Variants in PRKDC observed in about 807,000 individuals in gnomAD.
PRKDC encodes the protein DNA-dependent protein kinase catalytic subunit.
PRKDC carries 82 observed loss-of-function variants against 486.9 expected under a neutral mutation model. The ratio of observed to expected loss-of-function variants is 0.17; its 90% CI spans 0.14 to 0.20. The LOEUF (loss-of-function observed/expected upper bound fraction) is 0.20, where lower values mean the gene tolerates loss of function less well. PRKDC is among the 10% of genes least tolerant of loss of function. The probability of loss-of-function intolerance (pLI) is 1.00; values close to 1 mark genes in which losing one functional copy is unlikely to be tolerated. For synonymous variants in PRKDC, 1,895 were observed against 1,837.0 expected, an observed-to-expected ratio of 1.03 and a Z score of -0.81; for missense variants, 4,504 against 5,038.2, an observed-to-expected ratio of 0.89 and a Z score of 3.21.
intron 48 of PRKDC, among the ~76,000 whole-genome samples, chr8:47,858,226 G>A (rs1387043060): frequency 6.1e-5 from 9 of 148,184 alleles, no homozygotes; most frequent in South Asian, 2.2e-4. Flanking sequence ...AGGAAAGAAC[G>A]TTGGCAGCCG....
At chr8:47,959,707 C>G (rs1364902660) in intron 1 of PRKDC, among the ~76,000 whole-genome samples, 1 of 152,048 alleles carries the variant, frequency 6.6e-6, no homozygotes, top group Non-Finnish European at 1.5e-5. Context: ...TTCTCTTGCC[C>G]TGCCCCCCAC....
At chr8:47,890,624 T>C in intron 31 of PRKDC, 144 bp from the exon 32 acceptor site, 2 of 561,118 alleles carry the variant, frequency 3.6e-6, no homozygotes, top group East Asian at 2.9e-5. Context: ...AGCTTAATAA[T>C]AGCTGAATAA....
At chr8:47,925,031 G>A (rs1192729351) in intron 21 of PRKDC, among the ~76,000 whole-genome samples, 1 of 152,188 alleles carries the variant, frequency 6.6e-6, no homozygotes, top group East Asian at 1.9e-4. Flanking sequence ...ACACGTGGGT[G>A]CCTCATCTGG....
At chr8:47,956,103 C>T (rs1266632994) in intron 3 of PRKDC, among the ~76,000 whole-genome samples, 155 bp from the exon 4 acceptor site, 1 of 152,202 alleles carries the variant, frequency 6.6e-6, no homozygotes, top group Admixed American at 6.5e-5. Flanking sequence ...TGGCTCATGC[C>T]TATAATCCCA....
rs533442987 is a variant in PRKDC, at chr8:47,879,575, G to A, written c.5151C>T (p.Leu1717=). The change falls in exon 39 of 86, where the codon CTC becomes CTT. Residue 1717 remains leucine (L), a synonymous_variant. Coordinates refer to ENST00000314191, the MANE Select transcript of PRKDC (RefSeq NM_006904.7). ...ACTGCATGGGGAAGTGAGCAACGAT[G>A]AGCTGCTCCAGAACACGTCTAAGTT... ...LEELRRVLEQ[L]IVAHFPMQSR... is the part of the protein sequence containing the mutation. The A allele has an allele frequency of 1.8e-5, 29 of 1,598,290 alleles. No individual in the cohort carries two copies. In the South Asian group the frequency reaches 3.1e-4, roughly 17 times the overall value.
At chr8:47,939,877 G>A in intron 10 of PRKDC, 180 bp from the exon 11 acceptor site, 1 of 359,194 alleles carries the variant, frequency 2.8e-6, no homozygotes, top group Non-Finnish European at 4.8e-6. Flanking sequence ...GTTCAGAAAA[G>A]TGTCTTAAAT....
At chr8:47,830,030 C>G (rs1440718092) in intron 61 of PRKDC, among the ~76,000 whole-genome samples, 2 of 152,148 alleles carry the variant, frequency 1.3e-5, no homozygotes, top group African/African-American at 4.8e-5. Context: ...TCAAACAATA[C>G]TATAAGGCTG....
At chr8:47,888,976 C>T in intron 33 of PRKDC, 38 bp downstream of exon 33, 1 of 1,586,008 alleles carries the variant, frequency 6.3e-7, no homozygotes, top group East Asian at 2.2e-5. Context: ...CCTGAAATTC[C>T]AGGACAACAT....
At chr8:47,855,108 T>G in intron 50 of PRKDC, 114 bp downstream of exon 50, 1 of 1,116,086 alleles carries the variant, frequency 9.0e-7, no homozygotes, top group Non-Finnish European at 1.2e-6. Flanking sequence ...AACAATAAAT[T>G]ATTTTCTTCC....
intron 68 of PRKDC, 136 bp downstream of exon 68, chr8:47,817,314 A>T: frequency 3.1e-6 from 2 of 643,420 alleles, no homozygotes; most frequent in Non-Finnish European, 5.4e-6. Flanking sequence ...AACTACTTAC[A>T]TGGGAAACAG....
intron 39 of PRKDC, among the ~76,000 whole-genome samples, chr8:47,878,466 T>C (rs531284953): frequency 1.3e-5 from 2 of 152,260 alleles, no homozygotes; most frequent in South Asian, 4.2e-4. Context: ...TGAGAGTACA[T>C]GGAGACGTGC....
chr8:47,832,661 GAC>G (rs1467357573), intron 59 of PRKDC, among the ~76,000 whole-genome samples: 2 of 152,148 alleles, frequency 1.3e-5, no homozygotes, highest in African/African-American at 4.8e-5. Context: ...ACCTCAGAAG[GAC>G]ACTCACGCAG....
At position 47,935,773 on chromosome 8, in the gene PRKDC, G is replaced by A; in HGVS notation, c.1406C>T (p.Ala469Val). 1.9e-6 allele frequency: 3 copies of A among 1,613,772 alleles called. No homozygotes were observed. Among genetic ancestry groups the A allele is most frequent in the Non-Finnish European group, 2.5e-6 (3 of 1,179,830 alleles). ...RAIVKVFLALAAKGPVLRNCI... is the reference protein window; with the variant it reads ...RAIVKVFLALVAKGPVLRNCI... Reference sequence around the variant, plus strand: ...ATTCCTGAGAACTGGCCCTTTTGCTGCCAAAGCTAGGAACACCTTCACTAT... The same window carrying A: ...ATTCCTGAGAACTGGCCCTTTTGCTACCAAAGCTAGGAACACCTTCACTAT... The change falls in exon 13 of 86, where the codon GCA becomes GTA. Residue 469 changes from alanine (A) to valine (V), a missense_variant. Physicochemically the swap from Ala to Val is moderately conservative, Grantham distance 64 (BLOSUM62 0). Coordinates refer to ENST00000314191, the MANE Select transcript of PRKDC (RefSeq NM_006904.7).
Position 47,894,014 on chromosome 8 carries a change from C to T in PRKDC, c.3599-627G>A, listed in dbSNP as rs368586132. Among the ~76,000 whole-genome samples, 585 of 152,264 alleles carry T rather than the reference C, an allele frequency of 3.8e-3. 4 individuals are homozygous for T. Among genetic ancestry groups the T allele is most frequent in the South Asian group, 0.025 (120 of 4,820 alleles). ...CAGAACATTCAGCCGGGGGTGGTGG[C>T]TCAGGTCTGTAATCCCAGCACTTTG... On this transcript the variant is annotated intron_variant, in intron 30 of 85. Transcript: ENST00000314191.
intron 35 of PRKDC, among the ~76,000 whole-genome samples, chr8:47,886,850 G>C (rs2089345122): frequency 2.0e-5 from 3 of 152,108 alleles, no homozygotes; most frequent in South Asian, 4.2e-4. Context: ...ACCATACCTG[G>C]CTAATTTTTT....
At chr8:47,911,027 A>G (rs1175976286) in intron 25 of PRKDC, among the ~76,000 whole-genome samples, 1 of 152,186 alleles carries the variant, frequency 6.6e-6, no homozygotes, top group Non-Finnish European at 1.5e-5. Flanking sequence ...TGGGCCTTCC[A>G]GATTTTGAAA....
At chr8:47,799,519 G>T in intron 71 of PRKDC, 129 bp from the exon 72 acceptor site, 1 of 945,182 alleles carries the variant, frequency 1.1e-6, no homozygotes, top group Non-Finnish European at 1.5e-6. Context: ...CTATGGAACT[G>T]GAAAAACAAG....
intron 17 of PRKDC, among the ~76,000 whole-genome samples, 198 bp downstream of exon 17, chr8:47,930,474 A>G (rs2090231468): frequency 6.6e-6 from 1 of 152,054 alleles, no homozygotes; most frequent in African/African-American, 2.4e-5. Flanking sequence ...GGGTTTCACC[A>G]TGTTAGCCAG....
intron 21 of PRKDC, among the ~76,000 whole-genome samples, chr8:47,923,157 G>A (rs754394216): frequency 2.0e-5 from 3 of 151,276 alleles, no homozygotes; most frequent in South Asian, 2.1e-4. Context: ...TCTGCCTCCC[G>A]GGTTCAAGTG....
Sources: gnomAD v4.1 joint callset for allele counts (sites outside exome capture counted in the v4.1 genomes callset) on GRCh38, gnomAD v4.1.1 for gene constraint, MANE v1.5 for transcripts, NCBI Gene and HGNC (gene_info 2026-07-23, HGNC 2026-07-21) for gene names.